KCND2: variants seen among roughly 807,000 people sequenced by gnomAD.
The protein encoded by KCND2 is potassium voltage-gated channel subfamily D member 2.
KCND2 carries 16 observed loss-of-function variants against 54.4 expected under a neutral mutation model. That is an observed-to-expected ratio of 0.29 (90% CI 0.20 to 0.45). The LOEUF (loss-of-function observed/expected upper bound fraction) is 0.45. Ranked by LOEUF, KCND2 falls within the 20% of genes least tolerant of loss-of-function variation. The pLI is 1.00. For missense variants in KCND2, 486 were observed against 824.2 expected (o/e 0.59, Z 5.02); for synonymous variants, 317 against 310.7 (o/e 1.02, Z -0.21).
intron 1 of KCND2, among the ~76,000 whole-genome samples, chr7:120,351,244 GTATA>G (rs3067025): frequency 1.7e-4 from 23 of 137,350 alleles, no homozygotes; most frequent in African/African-American, 5.4e-4. Flanking sequence ...TTATATGTGT[GTATA>G]TATATATATA....
intron 1 of KCND2, among the ~76,000 whole-genome samples, chr7:120,695,797 G>A (rs1792325959): frequency 6.6e-6 from 1 of 152,128 alleles, no homozygotes; most frequent in Non-Finnish European, 1.5e-5. Flanking sequence ...GATGATATAA[G>A]ATTAATCAGA....
intron 1 of KCND2, among the ~76,000 whole-genome samples, chr7:120,376,888 A>C (rs760489596): frequency 1.8e-4 from 28 of 151,890 alleles, no homozygotes; most frequent in Non-Finnish European, 3.1e-4. Flanking sequence ...AGCTGTTCTG[A>C]TATTGTATTG....
At chr7:120,590,011 T>C (rs1792650119) in intron 1 of KCND2, among the ~76,000 whole-genome samples, 1 of 151,966 alleles carries the variant, frequency 6.6e-6, no homozygotes, top group African/African-American at 2.4e-5. Context: ...CTTTTTTTGT[T>C]TTTGTTTTTG....
rs1167788488 is a variant in KCND2, at chr7:120,695,253, GGCTTGTTT to G, written c.1116-37649_1116-37642del. On this transcript the variant is annotated intron_variant, in intron 1 of 5. Transcript: ENST00000331113. ...TTTGAACTGAGCTTGATATTTCAAT[GGCTTGTTT>G]TATATATGTATCCCATAAGTTTACT... is the stretch of plus-strand genomic sequence containing the variant. Among the ~76,000 whole-genome samples, 300 of 151,418 alleles carry G rather than the reference GGCTTGTTT, an allele frequency of 2.0e-3. 1 individual carries two copies. The highest frequency in any genetic ancestry group is 3.5e-3 in the Middle Eastern group (1 of 288).
intron 1 of KCND2, among the ~76,000 whole-genome samples, chr7:120,407,453 C>T (rs1801379005): frequency 1.3e-5 from 2 of 151,986 alleles, no homozygotes. Flanking sequence ...GGCAGGCATA[C>T]TGTAGTGTTT....
In KCND2 at chr7:120,695,252, T is replaced by TACAA. The variant is rs1460925991; in HGVS notation, c.1116-37651_1116-37650insACAA. Among the ~76,000 whole-genome samples the TACAA allele has an allele frequency of 2.0e-3, 300 of 151,676 alleles. 1 individual carries two copies. The highest frequency in any genetic ancestry group is 3.5e-3 in the Middle Eastern group (1 of 288). On this transcript the variant is annotated intron_variant, in intron 1 of 5. Transcript: ENST00000331113. ...GTTTGAACTGAGCTTGATATTTCAATGGCTTGTTTTATATATGTATCCCAT... is the reference window on the plus strand; with the variant it reads ...GTTTGAACTGAGCTTGATATTTCAATACAAGGCTTGTTTTATATATGTATCCCAT...
intron 1 of KCND2, among the ~76,000 whole-genome samples, chr7:120,418,968 A>C (rs1801567642): frequency 6.6e-6 from 1 of 152,216 alleles, no homozygotes; most frequent in Non-Finnish European, 1.5e-5. Flanking sequence ...CTAAACTGAC[A>C]GTTGGTTTCT....
chr7:120,686,900 T>A (rs1792209101), intron 1 of KCND2, among the ~76,000 whole-genome samples: 1 of 152,184 alleles, frequency 6.6e-6, no homozygotes, highest in Non-Finnish European at 1.5e-5. Flanking sequence ...TAGTTTCATT[T>A]GTTTCTATCT....
At chr7:120,308,829 A>C (rs1200454264) in intron 1 of KCND2, among the ~76,000 whole-genome samples, 1 of 152,166 alleles carries the variant, frequency 6.6e-6, no homozygotes, top group Non-Finnish European at 1.5e-5. Flanking sequence ...CACCTGAATA[A>C]AGCAAATAAA....
At chr7:120,420,018 A>T (rs1217254213) in intron 1 of KCND2, among the ~76,000 whole-genome samples, 1 of 150,918 alleles carries the variant, frequency 6.6e-6, no homozygotes, top group African/African-American at 2.4e-5. Flanking sequence ...AAAAAGAAAG[A>T]AAAAAAGAAA....
At chr7:120,305,239 G>A (rs1584721398) in intron 1 of KCND2, among the ~76,000 whole-genome samples, 1 of 152,156 alleles carries the variant, frequency 6.6e-6, no homozygotes, top group Non-Finnish European at 1.5e-5. Flanking sequence ...TTATGAGGCT[G>A]TAGGTTCAAA....
intron 1 of KCND2, among the ~76,000 whole-genome samples, chr7:120,335,599 C>T (rs1230429847): frequency 2.0e-5 from 3 of 151,652 alleles, no homozygotes; most frequent in Non-Finnish European, 4.4e-5. Context: ...CATTCTCCTG[C>T]CTCAGCCTCC....
At chr7:120,463,528 A>G (rs1372676296) in intron 1 of KCND2, among the ~76,000 whole-genome samples, 4 of 152,062 alleles carry the variant, frequency 2.6e-5, no homozygotes, top group African/African-American at 9.7e-5. Context: ...ACTTAGTCTA[A>G]CATAAGTGGC....
intron 1 of KCND2, among the ~76,000 whole-genome samples, chr7:120,511,493 G>T (rs952601457): frequency 6.6e-6 from 1 of 152,034 alleles, no homozygotes; most frequent in Non-Finnish European, 1.5e-5. Flanking sequence ...AATCCAAAAA[G>T]AACTGTACAA....
chr7:120,647,055 C>A (rs749162944), intron 1 of KCND2, among the ~76,000 whole-genome samples: 6 of 152,156 alleles, frequency 3.9e-5, no homozygotes, highest in Non-Finnish European at 5.9e-5. Context: ...CCTGAAATAT[C>A]ATGAAGTAAT....
rs574137564 is a variant in KCND2 at position 120,472,348 on chromosome 7, G to T, written c.1115+196601G>T. Among the ~76,000 whole-genome samples the T allele has an allele frequency of 1.6e-3, 240 of 152,116 alleles. 1 individual carries two copies. The highest frequency in any genetic ancestry group is 2.6e-3 in the Admixed American group (40 of 15,266). ...TGGAATAATGTGAACCCAGGGATGG[G>T]TAAATAGCAGAACAGGAAAAATGGC... is the stretch of plus-strand genomic sequence containing the variant. On this transcript the variant is annotated intron_variant, in intron 1 of 5. Coordinates refer to ENST00000331113, the MANE Select transcript of KCND2 (RefSeq NM_012281.3).
At chr7:120,460,738 G>T (rs1802272531) in intron 1 of KCND2, among the ~76,000 whole-genome samples, 2 of 152,042 alleles carry the variant, frequency 1.3e-5, no homozygotes, top group Non-Finnish European at 2.9e-5. Context: ...TAGTTAAAGA[G>T]AAACTAGAGG....
chr7:120,466,299 A>G (rs1562846212), intron 1 of KCND2, among the ~76,000 whole-genome samples: 1 of 152,198 alleles, frequency 6.6e-6, no homozygotes, highest in Non-Finnish European at 1.5e-5. Context: ...TCTGTTGAAA[A>G]TAGAAACGTT....
At chr7:120,446,991 A>G (rs1802026782) in intron 1 of KCND2, among the ~76,000 whole-genome samples, 3 of 152,322 alleles carry the variant, frequency 2.0e-5, no homozygotes, top group South Asian at 4.1e-4. Context: ...TTTATAAATT[A>G]TAACCAAATA....
Sources: allele counts gnomAD v4.1 joint callset (sites outside exome capture counted in the v4.1 genomes callset), GRCh38; gene constraint gnomAD v4.1.1; transcripts MANE v1.5; gene names NCBI Gene and HGNC (gene_info 2026-07-23, HGNC 2026-07-21).